Variants in NBEA observed in about 807,000 individuals in gnomAD.
NBEA encodes the protein neurobeachin, also known as lysosomal-trafficking regulator 2.
A neutral mutation model predicts 343.4 loss-of-function variants in NBEA; 44 were observed. The observed-to-expected ratio is 0.13, with a 90% confidence interval of 0.10 to 0.16. NBEA has a LOEUF of 0.16. Ranked by LOEUF, NBEA falls within the 10% of genes least tolerant of loss-of-function variation. NBEA has a pLI of 1.00. For missense variants in NBEA, 2,555 were observed against 3,631.3 expected (o/e 0.70, Z 7.62); for synonymous variants, 1,175 against 1,238.7 (o/e 0.95, Z 1.08).
At chr13:35,605,647 AG>A (rs2082252575) in intron 47 of NBEA, among the ~76,000 whole-genome samples, 1 of 152,298 alleles carries the variant, frequency 6.6e-6, no homozygotes, top group African/African-American at 2.4e-5. Context: ...AAAAACTTTC[AG>A]GGTATTAAAA....
chr13:35,356,110 G>C (rs1324581982), intron 38 of NBEA, among the ~76,000 whole-genome samples: 1 of 151,970 alleles, frequency 6.6e-6, no homozygotes, highest in East Asian at 1.9e-4. Flanking sequence ...TAAACACTTG[G>C]TGTATGCCCT....
intron 34 of NBEA, among the ~76,000 whole-genome samples, chr13:35,257,654 T>G (rs1714534088): frequency 6.6e-6 from 1 of 150,648 alleles, no homozygotes; most frequent in African/African-American, 2.5e-5. Flanking sequence ...AAAAAATATT[T>G]TGGAAAAAGT....
intron 38 of NBEA, among the ~76,000 whole-genome samples, chr13:35,385,245 G>A (rs1031223326): frequency 2.6e-5 from 4 of 152,040 alleles, no homozygotes; most frequent in African/African-American, 9.7e-5. Flanking sequence ...ATTCTATGAG[G>A]TAAAGGTTTT....
At chr13:35,645,141 C>A (rs866106724) in intron 49 of NBEA, among the ~76,000 whole-genome samples, 2 of 152,104 alleles carry the variant, frequency 1.3e-5, no homozygotes, top group South Asian at 4.1e-4. Flanking sequence ...TTGTAGATAG[C>A]GATGAGATTA....
chr13:35,655,052 T>A, intron 54 of NBEA, 42 bp downstream of exon 54: 2 of 1,397,982 alleles, frequency 1.4e-6, no homozygotes, highest in Non-Finnish European at 1.9e-6. Flanking sequence ...TCAAAATGAC[T>A]ATTGTTAAAA....
At chr13:35,588,950 A>T (rs975895679) in intron 46 of NBEA, among the ~76,000 whole-genome samples, 1 of 152,126 alleles carries the variant, frequency 6.6e-6, no homozygotes, top group African/African-American at 2.4e-5. Flanking sequence ...TTGAAAGCTT[A>T]CCCTAAAGCC....
intron 41 of NBEA, among the ~76,000 whole-genome samples, chr13:35,506,362 A>T (rs1192342663): frequency 2.6e-5 from 4 of 152,154 alleles, no homozygotes; most frequent in Admixed American, 2.6e-4. Flanking sequence ...AGCCACCTCA[A>T]CCAGACCCAT....
At chr13:35,300,248 C>T (rs1180390286) in intron 35 of NBEA, among the ~76,000 whole-genome samples, 5 of 152,056 alleles carry the variant, frequency 3.3e-5, no homozygotes, top group African/African-American at 9.7e-5. Context: ...CGCTTGAACC[C>T]GGGATGTGGA....
intron 2 of NBEA, among the ~76,000 whole-genome samples, chr13:35,042,172 A>G (rs1206625756): frequency 1.3e-5 from 2 of 151,900 alleles, no homozygotes; most frequent in Non-Finnish European, 2.9e-5. Context: ...GAATTTAAAT[A>G]TTTCAAAAAA....
In NBEA at chr13:35,500,149, A is replaced by G. The variant is rs189470348; in HGVS notation, c.6585+27613A>G. 4.9e-4 allele frequency among the ~76,000 whole-genome samples: 74 copies of G among 152,228 alleles called. 1 individual carries two copies. In the East Asian group the frequency reaches 0.013, roughly 26 times the overall value. ...AAGTGACAGCTGCAATTCATTGCCT[A>G]TTCTTTGTGATGTCCTGCAGCCCAA... On this transcript the variant is annotated intron_variant, in intron 41 of 58. Transcript: ENST00000379939.
intron 38 of NBEA, among the ~76,000 whole-genome samples, chr13:35,417,068 G>T (rs2043956860): frequency 6.6e-6 from 1 of 152,156 alleles, no homozygotes; most frequent in Non-Finnish European, 1.5e-5. Context: ...TATTTCTGTG[G>T]AAACGGTGGT....
At chr13:35,491,448 A>G (rs1053412889) in intron 41 of NBEA, among the ~76,000 whole-genome samples, 1 of 151,868 alleles carries the variant, frequency 6.6e-6, no homozygotes, top group Non-Finnish European at 1.5e-5. Flanking sequence ...TAGATTCCCA[A>G]TTGAGCACCT....
chr13:35,085,543 TA>T (rs1199483631), intron 10 of NBEA, among the ~76,000 whole-genome samples: 1 of 152,144 alleles, frequency 6.6e-6, no homozygotes, highest in East Asian at 1.9e-4. Flanking sequence ...ACCTTCATGC[TA>T]AAAACTCTTA....
chr13:35,320,713 C>G (rs558938760), intron 36 of NBEA, among the ~76,000 whole-genome samples: 1 of 152,242 alleles, frequency 6.6e-6, no homozygotes, highest in South Asian at 2.1e-4. Context: ...TCCGTTTTCC[C>G]CATCACTTTC....
At chr13:35,035,577 CT>C (rs2152553219) in intron 1 of NBEA, among the ~76,000 whole-genome samples, 1 of 152,012 alleles carries the variant, frequency 6.6e-6, no homozygotes, top group African/African-American at 2.4e-5. Context: ...TATTTTCTTT[CT>C]GAAAGATGTG....
At chr13:34,958,313 A>G (rs1385657046) in intron 1 of NBEA, among the ~76,000 whole-genome samples, 2 of 152,128 alleles carry the variant, frequency 1.3e-5, no homozygotes, top group Admixed American at 6.6e-5. Context: ...TATGAACTAT[A>G]ATAGTCACTT....
chr13:35,548,509 G>C (rs2079166338), intron 41 of NBEA, among the ~76,000 whole-genome samples: 1 of 152,092 alleles, frequency 6.6e-6, no homozygotes, highest in South Asian at 2.1e-4. Flanking sequence ...CTGACATAAT[G>C]CTATGGGTAT....
chr13:35,646,300 T>C lies in NBEA; in HGVS notation c.7722T>C (p.Ser2574=). Residue 2574 remains serine (S), a synonymous_variant, in exon 51 of 59, where the codon TCT becomes TCC. Transcript: ENST00000379939. ...AQIQNFGQTP[S]QLLIEPHPPR... ...TACAGAACTTTGGACAGACGCCATC[T>C]CAGTTGCTTATTGAGCCACATCCGC... 1 of 1,613,866 alleles carries C rather than the reference T, an allele frequency of 6.2e-7. No individual in the cohort carries two copies. Among genetic ancestry groups the C allele is most frequent in the African/African-American group, 1.3e-5 (1 of 75,044 alleles).
intron 36 of NBEA, among the ~76,000 whole-genome samples, chr13:35,320,513 T>C (rs2038061336): frequency 6.6e-6 from 1 of 152,230 alleles, no homozygotes; most frequent in South Asian, 2.1e-4. Context: ...CCTTTCTCCC[T>C]GGCTGCCCTT....
Sources: allele counts gnomAD v4.1 joint callset (sites outside exome capture counted in the v4.1 genomes callset), GRCh38; gene constraint gnomAD v4.1.1; transcripts MANE v1.5; gene names NCBI Gene and HGNC (gene_info 2026-07-23, HGNC 2026-07-21).